The following DNAAF1 variants were observed in gnomAD, a reference collection of about 807,000 sequenced individuals.
The protein encoded by DNAAF1 is dynein axonemal assembly factor 1.
DNAAF1 carries 65 observed loss-of-function variants against 71.1 expected under a neutral mutation model. The observed-to-expected ratio is 0.91, with a 90% confidence interval of 0.75 to 1.12. DNAAF1 has a LOEUF of 1.12. Among genes scored for constraint, DNAAF1 ranks in the 50% most tolerant of loss-of-function variants. DNAAF1 has a pLI of 0.00. For synonymous variants in DNAAF1, 414 were observed against 354.6 expected (o/e 1.17, Z -1.88); for missense variants, 1,178 against 899.8 (o/e 1.31, Z -3.96).
intron 5 of DNAAF1, among the ~76,000 whole-genome samples, chr16:84,157,980 G>T (rs2087520685): frequency 6.6e-6 from 1 of 152,112 alleles, no homozygotes; most frequent in African/African-American, 2.4e-5. Flanking sequence ...GGCCAAGGTG[G>T]GCAGATCACG....
intron 8 of DNAAF1, 83 bp from the exon 9 acceptor site, chr16:84,172,177 C>G: frequency 7.3e-7 from 1 of 1,360,920 alleles, no homozygotes; most frequent in Non-Finnish European, 1.0e-6. Flanking sequence ...GAGCCCGGCC[C>G]TTGGGAGCCC....
Position 84,177,888 on chromosome 16 carries a change from C to A in DNAAF1, c.*47C>A. On this transcript the variant is annotated 3_prime_UTR_variant, in exon 12 of 12. Coordinates refer to ENST00000378553, the MANE Select transcript of DNAAF1 (RefSeq NM_178452.6). The stretch of plus-strand genomic sequence containing the variant: ...ATAAATGGTTTAATCATAAATGTCT[C>A]CCTTAGGCATGATAAACATTTTAAC... The A allele has an allele frequency of 2.7e-6, 4 of 1,482,576 alleles. No individual in the cohort carries two copies. Among genetic ancestry groups the A allele is most frequent in the Non-Finnish European group, 3.8e-6 (4 of 1,060,526 alleles). The allele number at this position is 1,482,576 out of a possible 1,614,324, so 91.8% of individuals were successfully genotyped here.
intron 6 of DNAAF1, 38 bp from the exon 7 acceptor site, chr16:84,165,745 T>C (rs1326113157): frequency 2.5e-6 from 4 of 1,592,540 alleles, no homozygotes; most frequent in Non-Finnish European, 3.4e-6. Context: ...TGTTTGGAGT[T>C]CACCTCCCCT....
At chr16:84,149,466 C>T (rs542820015) in intron 2 of DNAAF1, among the ~76,000 whole-genome samples, 2 of 150,830 alleles carry the variant, frequency 1.3e-5, no homozygotes, top group Admixed American at 6.6e-5. Flanking sequence ...CTGAGGTGGG[C>T]GAATCACAAG....
chr16:84,174,625 T>A (rs1420849472), intron 9 of DNAAF1, 44 bp from the exon 10 acceptor site: 1 of 1,613,948 alleles, frequency 6.2e-7, no homozygotes, highest in Non-Finnish European at 8.5e-7. Context: ...ACGTTGACAG[T>A]GCGTGTACCT....
chr16:84,173,013 A>T, intron 9 of DNAAF1: 1 of 992,598 alleles, frequency 1.0e-6, no homozygotes, highest in Non-Finnish European at 1.2e-6. Flanking sequence ...ACCCCCCAAG[A>T]ACTGTCCTTT....
At chr16:84,155,055 C>A (rs1436466493) in intron 4 of DNAAF1, among the ~76,000 whole-genome samples, 1 of 151,980 alleles carries the variant, frequency 6.6e-6, no homozygotes, top group Non-Finnish European at 1.5e-5. Flanking sequence ...ACTACAGGCA[C>A]CCACCACCAC....
intron 3 of DNAAF1, among the ~76,000 whole-genome samples, chr16:84,150,931 T>C (rs1597404589): frequency 6.6e-6 from 1 of 152,146 alleles, no homozygotes; most frequent in African/African-American, 2.4e-5. Flanking sequence ...TAATTTTTCA[T>C]ACCAGAAAGT....
At chr16:84,164,938 T>C (rs779779244) in intron 6 of DNAAF1, among the ~76,000 whole-genome samples, 6 of 152,202 alleles carry the variant, frequency 3.9e-5, no homozygotes, top group Non-Finnish European at 5.9e-5. Context: ...CGTTGCCGTG[T>C]TTTGGATTTT....
intron 1 of DNAAF1, among the ~76,000 whole-genome samples, chr16:84,148,047 G>T (rs888761437): frequency 2.6e-5 from 4 of 151,784 alleles, no homozygotes. Flanking sequence ...CAACCTGGGG[G>T]ATAGACCAAG....
intron 6 of DNAAF1, among the ~76,000 whole-genome samples, chr16:84,162,382 C>T (rs2087755789): frequency 6.6e-6 from 1 of 151,902 alleles, no homozygotes; most frequent in Non-Finnish European, 1.5e-5. Context: ...GTGGGTGGAT[C>T]ACTTGAGGTC....
chr16:84,157,147 A>G (rs983246295), intron 5 of DNAAF1, among the ~76,000 whole-genome samples: 9 of 151,842 alleles, frequency 5.9e-5, no homozygotes, highest in Admixed American at 4.6e-4. Flanking sequence ...TTTTTTCAGT[A>G]TCATTATGAA....
At chr16:84,148,624 G>T (rs2087038560) in intron 1 of DNAAF1, among the ~76,000 whole-genome samples, 1 of 20,448 alleles carries the variant, frequency 4.9e-5, no homozygotes, top group African/African-American at 1.5e-4. Flanking sequence ...TGGTGAGACG[G>T]GGTCTCACTT....
chr16:84,171,681 C>A (rs930189237), intron 8 of DNAAF1, among the ~76,000 whole-genome samples: 1 of 152,076 alleles, frequency 6.6e-6, no homozygotes, highest in African/African-American at 2.4e-5. Context: ...CCCTTGTCAC[C>A]CTGCAGTCGG....
Position 84,169,946 on chromosome 16 carries a change from A to C in DNAAF1, c.1118A>C (p.Gln373Pro), listed in dbSNP as rs1000123563. 6.2e-7 allele frequency: 1 copy of C among 1,614,048 alleles called. No individual in the cohort carries two copies. Among genetic ancestry groups the C allele is most frequent in the African/African-American group, 1.3e-5 (1 of 74,960 alleles). The change falls in exon 8 of 12, where the codon CAG becomes CCG. Residue 373 changes from glutamine to proline, a missense_variant. Gln to Pro is a moderately conservative substitution (Grantham distance 76, BLOSUM62 -1). Transcript: ENST00000378553. ...CCTCCCGGGGACAGAGAAACAAGGC[A>C]GAAGATGGAGCTATTTGTTAAGGAA... ...EEPPGDRETR[Q>P]KMELFVKESF...
At position 84,145,546 on chromosome 16, in the gene DNAAF1, C is replaced by G. The variant is rs937216820; in HGVS notation, c.106C>G (p.Arg36Gly). 2 of 1,549,728 alleles carry G rather than the reference C, an allele frequency of 1.3e-6. No homozygotes were observed. Among genetic ancestry groups the G allele is most frequent in the Non-Finnish European group, 1.7e-6 (2 of 1,147,282 alleles). The change falls in exon 1 of 12, where the codon CGA becomes GGA. Residue 36 changes from arginine (R) to glycine (G), a missense_variant. Coordinates refer to ENST00000378553, the MANE Select transcript of DNAAF1 (RefSeq NM_178452.6). ...ESAGDHGSAG[R>G]GGCKEEINDP... ...TGCGGGTGACCACGGGAGCGCAGGC[C>G]GAGGGGGCTGCAAGGAAGGTGCCGA...
In DNAAF1 at chr16:84,159,848, T is replaced by C. The variant is rs756431638; in HGVS notation, c.863+52T>C. 7 of 1,600,850 alleles carry C rather than the reference T, an allele frequency of 4.4e-6. No individual in the cohort carries two copies. In the Admixed American group the frequency reaches 8.4e-5, roughly 19 times the overall value. The stretch of plus-strand genomic sequence containing the variant: ...CATTTTAATATTTAGTAGTTGACCA[T>C]GCTTAATATTAAACTTTTTAAATTT... On this transcript the variant is annotated intron_variant, in intron 6 of 11. Transcript: ENST00000378553.
chr16:84,177,309 A>G, intron 11 of DNAAF1: 1 of 328,600 alleles, frequency 3.0e-6, no homozygotes, highest in South Asian at 2.5e-5. Context: ...ACAGTCTCGC[A>G]CTGTGGCCTA....
rs369315502 is a variant in DNAAF1 at position 84,154,180 on chromosome 16, G to A, written c.353-397G>A. On this transcript the variant is annotated intron_variant, in intron 3 of 11. Coordinates refer to ENST00000378553, the MANE Select transcript of DNAAF1 (RefSeq NM_178452.6). Reference sequence around the variant, plus strand: ...GTAACAAGAAACCGTAGCCTGGGTGGCTTGTAGACAACAAAAATGTATTTC... The same window carrying A: ...GTAACAAGAAACCGTAGCCTGGGTGACTTGTAGACAACAAAAATGTATTTC... Among the ~76,000 whole-genome samples, 187 of 152,276 alleles carry A rather than the reference G, an allele frequency of 1.2e-3. 5 individuals carry two copies. In the South Asian group the frequency reaches 0.036, roughly 29 times the overall value.
Sources: allele counts gnomAD v4.1 joint callset (sites outside exome capture counted in the v4.1 genomes callset), GRCh38; gene constraint gnomAD v4.1.1; transcripts MANE v1.5; gene names NCBI Gene and HGNC (gene_info 2026-07-23, HGNC 2026-07-21).